The following TFAP2E variants were observed in gnomAD, a reference collection of about 807,000 sequenced individuals.
The protein encoded by TFAP2E is transcription factor AP-2 epsilon, also known as transcription factor AP-2-epsilon.
Under a neutral mutation model 37.9 loss-of-function variants are expected in TFAP2E, and 30 were observed. That is an observed-to-expected ratio of 0.79 (90% confidence interval 0.59 to 1.07). The LOEUF is 1.07. Among genes scored for constraint, TFAP2E ranks in the 50% least tolerant of loss-of-function variants. TFAP2E has a pLI of 0.00. For synonymous variants in TFAP2E, 318 were observed against 295.8 expected, an observed-to-expected ratio of 1.08 and a Z score of -0.77; for missense variants, 567 against 637.9, an observed-to-expected ratio of 0.89 and a Z score of 1.20.
intron 3 of TFAP2E, among the ~76,000 whole-genome samples, chr1:35,584,331 G>C (rs1649427557): frequency 6.6e-6 from 1 of 151,886 alleles, no homozygotes; most frequent in Admixed American, 6.6e-5. Context: ...TCAAACTTCT[G>C]GGCTCAAGTG....
At chr1:35,582,840 T>C (rs1421491987) in intron 3 of TFAP2E, among the ~76,000 whole-genome samples, 1 of 152,130 alleles carries the variant, frequency 6.6e-6, no homozygotes, top group Non-Finnish European at 1.5e-5. Flanking sequence ...CTTAATAATA[T>C]CTTTTGAGGT....
rs531728279 is a variant in TFAP2E, at chr1:35,587,285, G to T, written c.563-1045G>T. The stretch of plus-strand genomic sequence containing the variant: ...CCTGAGGCTAAGCAGGAGGATGGAG[G>T]TTAGACTGCAGGAAGAACTTTCTTT... On this transcript the variant is annotated intron_variant, in intron 3 of 6. Coordinates refer to ENST00000373235, the MANE Select transcript of TFAP2E (RefSeq NM_178548.4). Among the ~76,000 whole-genome samples the T allele has an allele frequency of 2.0e-5, 3 of 152,320 alleles. No individual in the cohort carries two copies. The East Asian group carries it at 5.8e-4, about 29-fold the overall frequency.
intron 2 of TFAP2E, 50 bp from the exon 3 acceptor site, chr1:35,574,899 G>A (rs946087755): frequency 6.2e-7 from 1 of 1,612,812 alleles, no homozygotes; most frequent in South Asian, 1.1e-5. Flanking sequence ...GGGAAGACAT[G>A]GGCGGCTAGG....
In TFAP2E at chr1:35,574,392, G is replaced by T. The variant is rs769782472; in HGVS notation, c.493G>T (p.Gly165Cys). ...LGLPGLAAAP[G>C]LEDLQAMDEP... The stretch of plus-strand genomic sequence containing the variant: ...CCTTCCGGGGCTGGCGGCGGCCCCC[G>T]GTCTGGAGGACCTGCAGGTGAGACC... Residue 165 changes from glycine (G) to cysteine (C), a missense_variant, in exon 2 of 7, where the codon GGT becomes TGT. Physicochemically the swap from Gly to Cys is radical, Grantham distance 159. Transcript: ENST00000373235. 2.2e-5 allele frequency: 32 copies of T among 1,432,590 alleles called. 1 individual carries two copies. In the South Asian group the frequency reaches 3.2e-4, roughly 14 times the overall value. The allele number at this position is 1,432,590 out of a possible 1,614,324, so 88.7% of individuals were successfully genotyped here.
intron 6 of TFAP2E, among the ~76,000 whole-genome samples, chr1:35,592,942 G>T (rs1649730247): frequency 6.6e-6 from 1 of 152,156 alleles, no homozygotes; most frequent in Non-Finnish European, 1.5e-5. Flanking sequence ...CTATCACCTA[G>T]TGGGGTAGAA....
At chr1:35,581,270 C>T (rs774107296) in intron 3 of TFAP2E, among the ~76,000 whole-genome samples, 4 of 152,134 alleles carry the variant, frequency 2.6e-5, no homozygotes, top group Non-Finnish European at 4.4e-5. Context: ...TGCCATTGTA[C>T]GGGTGTAACA....
chr1:35,579,681 C>G (rs1649292432), intron 3 of TFAP2E, among the ~76,000 whole-genome samples: 1 of 152,106 alleles, frequency 6.6e-6, no homozygotes, highest in African/African-American at 2.4e-5. Flanking sequence ...AGGCGTGAGC[C>G]ACCACGCTTG....
chr1:35,592,253 CTAGCCTG>C lies in TFAP2E; in HGVS notation c.1046+1479_1046+1485del, dbSNP rs371177482. On this transcript the variant is annotated intron_variant, in intron 6 of 6. Coordinates refer to ENST00000373235, the MANE Select transcript of TFAP2E (RefSeq NM_178548.4). The stretch of plus-strand genomic sequence containing the variant: ...TAAGCCATGATTGCATCGCTGTACT[CTAGCCTG>C]CGTGACATAGTGAGACCCCATCTCA... 4.9e-3 allele frequency among the ~76,000 whole-genome samples: 739 copies of C among 151,190 alleles called. 7 individuals carry two copies. The highest frequency in any genetic ancestry group is 0.016 in the African/African-American group (671 of 41,064).
At chr1:35,589,188 C>CTGTG (rs757213879) in intron 4 of TFAP2E, among the ~76,000 whole-genome samples, 2,329 of 125,992 alleles carry the variant, frequency 0.018, 29 homozygotes, top group Non-Finnish European at 0.027. Flanking sequence ...GTGTCCTGCT[C>CTGTG]TGTGTGTGTG....
At chr1:35,576,086 A>T (rs1649161949) in intron 3 of TFAP2E, among the ~76,000 whole-genome samples, 2 of 152,230 alleles carry the variant, frequency 1.3e-5, no homozygotes, top group Non-Finnish European at 2.9e-5. Flanking sequence ...CTGCTCCCAC[A>T]GGGTTTGGCT....
intron 6 of TFAP2E, among the ~76,000 whole-genome samples, chr1:35,593,165 C>T (rs748918217): frequency 7.8e-4 from 119 of 151,916 alleles, no homozygotes; most frequent in Middle Eastern, 3.4e-3. Context: ...GGCAACTTGG[C>T]GAAACCCCAT....
chr1:35,587,563 G>A lies in TFAP2E; in HGVS notation c.563-767G>A, dbSNP rs1017297520. ...TGAGGCAGAAGAATCGCTTGAACCC[G>A]GGAGGCAGAGGTTGCGGTGAGCCGA... On this transcript the variant is annotated intron_variant, in intron 3 of 6. Coordinates refer to ENST00000373235, the MANE Select transcript of TFAP2E (RefSeq NM_178548.4). Among the ~76,000 whole-genome samples, 8 of 149,292 alleles carry A rather than the reference G, an allele frequency of 5.4e-5. 1 individual carries two copies. In the Middle Eastern group the frequency reaches 0.01, roughly 194 times the overall value.
intron 3 of TFAP2E, among the ~76,000 whole-genome samples, chr1:35,581,667 G>C (rs1421506705): frequency 6.6e-6 from 1 of 151,754 alleles, no homozygotes; most frequent in Non-Finnish European, 1.5e-5. Flanking sequence ...CTGCCTCCTG[G>C]GTTCAAGTGA....
At position 35,588,195 on chromosome 1, in the gene TFAP2E, T is replaced by A. The variant is rs901324348; in HGVS notation, c.563-135T>A. The A allele has an allele frequency of 7.5e-6, 6 of 805,056 alleles. No individual in the cohort carries two copies. The highest frequency in any genetic ancestry group is 1.1e-5 in the Non-Finnish European group (6 of 527,722). The allele number at this position is 805,056 out of a possible 1,614,324, so 49.9% of individuals were successfully genotyped here. ...AGTCTCTGAGTTCACATCCATCAGT[T>A]GAGGGAACTTGGGCGAGTCACTTTC... On this transcript the variant is annotated intron_variant, in intron 3 of 6. Transcript: ENST00000373235. This position sits in a 1 kb window ranked among gnomAD's most constrained non-coding sequence, Gnocchi z 5.1.
chr1:35,583,728 G>A (rs745423753), intron 3 of TFAP2E, among the ~76,000 whole-genome samples: 6 of 152,120 alleles, frequency 3.9e-5, no homozygotes, highest in Admixed American at 6.6e-5. Flanking sequence ...TTCTGTGTGT[G>A]TGGGAGACAA....
Position 35,574,661 on chromosome 1 carries a change from C to T in TFAP2E, c.510+252C>T, listed in dbSNP as rs139823203. On this transcript the variant is annotated intron_variant, in intron 2 of 6. Coordinates refer to ENST00000373235, the MANE Select transcript of TFAP2E (RefSeq NM_178548.4). ...CAGGGACCGAATCACTTCTTTTCTC[C>T]CCGCTGCCACGTGTGGCATCCATGG... 556 of 680,350 alleles carry T rather than the reference C, an allele frequency of 8.2e-4. 3 individuals are homozygous for T. The African/African-American group carries it at 9.2e-3, about 11-fold the overall frequency. 42.1% of individuals were successfully genotyped at this position (680,350 alleles called of 1,614,324 possible).
chr1:35,594,981 C>A lies in TFAP2E; in HGVS notation c.*305C>A, dbSNP rs1487056256. 2.0e-5 allele frequency: 8 copies of A among 405,204 alleles called. No homozygotes were observed. The highest frequency in any genetic ancestry group is 3.6e-5 in the Non-Finnish European group (8 of 224,934). The allele number at this position is 405,204 out of a possible 1,614,324, so 25.1% of individuals were successfully genotyped here. ...AAGATCTGGCTCATGGGGCAGAGCC[C>A]TTTCCATTAGCGTGGCTGGGTGGCC... On this transcript the variant is annotated 3_prime_UTR_variant, in exon 7 of 7. Transcript: ENST00000373235.
At chr1:35,586,958 C>T (rs981061403) in intron 3 of TFAP2E, among the ~76,000 whole-genome samples, 7 of 152,232 alleles carry the variant, frequency 4.6e-5, no homozygotes, top group African/African-American at 1.4e-4. Flanking sequence ...ACCGGTTCTC[C>T]GTCTACCAGC....
At position 35,590,094 on chromosome 1, in the gene TFAP2E, G is replaced by A. The variant is rs1649614716; in HGVS notation, c.904+46G>A. On this transcript the variant is annotated intron_variant, in intron 5 of 6. Transcript: ENST00000373235. The surrounding 1 kb of genome is among the most constrained non-coding windows in gnomAD (Gnocchi z 6.2). ...GGCATGGGAGTGGATGTGAGGGCAA[G>A]TGAGTTGTCTGGTGTGACTGTCTCT... 1 of 1,577,130 alleles carries A rather than the reference G, an allele frequency of 6.3e-7. No homozygotes were observed. The highest frequency in any genetic ancestry group is 2.2e-5 in the East Asian group (1 of 44,642).
Sources: allele counts gnomAD v4.1 joint callset (sites outside exome capture counted in the v4.1 genomes callset), GRCh38; gene constraint gnomAD v4.1.1; non-coding constraint Gnocchi (gnomAD v3.1); transcripts MANE v1.5; gene names NCBI Gene and HGNC (gene_info 2026-07-23, HGNC 2026-07-21).